GUCY2C: variants seen among roughly 807,000 people sequenced by gnomAD.
GUCY2C encodes the protein guanylyl cyclase C.
Under a neutral mutation model 131.1 loss-of-function variants are expected in GUCY2C, and 118 were observed. That is an observed-to-expected ratio of 0.90 (90% CI 0.78 to 1.05). The LOEUF is 1.05. Ranked by LOEUF, GUCY2C falls within the 50% of genes least tolerant of loss-of-function variation. The pLI is 0.00. For missense variants in GUCY2C, 1,161 were observed against 1,304.4 expected, an observed-to-expected ratio of 0.89 and a Z score of 1.69; for synonymous variants, 452 against 457.8, an observed-to-expected ratio of 0.99 and a Z score of 0.16.
intron 3 of GUCY2C, among the ~76,000 whole-genome samples, chr12:14,683,666 G>T (rs747351268): frequency 2.0e-5 from 3 of 152,046 alleles, no homozygotes. Flanking sequence ...TGTTCACCTC[G>T]GTATCTCCAG....
intron 8 of GUCY2C, chr12:14,674,155 C>G (rs1317986320): frequency 5.8e-6 from 1 of 172,134 alleles, no homozygotes; most frequent in Admixed American, 5.6e-5. Context: ...GAAAGGGCAA[C>G]ATTGATCCAT....
chr12:14,654,392 C>A lies in GUCY2C; in HGVS notation c.1471-1378G>T, dbSNP rs189401147. 2.1e-3 allele frequency among the ~76,000 whole-genome samples: 318 copies of A among 152,260 alleles called. 2 individuals carry two copies. Among genetic ancestry groups the A allele is most frequent in the African/African-American group, 7.2e-3 (300 of 41,564 alleles). On this transcript the variant is annotated intron_variant, in intron 12 of 26. Transcript: ENST00000261170. ...TTCTCCATGTCTACCTGACTCTTAG[C>A]ACCTGATGAGCTCTCTGTACAGCCA...
chr12:14,638,402 G>C (rs1947317188), intron 19 of GUCY2C, among the ~76,000 whole-genome samples: 1 of 152,160 alleles, frequency 6.6e-6, no homozygotes, highest in Non-Finnish European at 1.5e-5. Flanking sequence ...GTGTATCAAA[G>C]GATGCCTGCA....
chr12:14,650,124 A>T (rs1350100050), intron 15 of GUCY2C, among the ~76,000 whole-genome samples: 1 of 152,180 alleles, frequency 6.6e-6, no homozygotes, highest in African/African-American at 2.4e-5. Flanking sequence ...TAGCAAGTGC[A>T]TTTTAAAATT....
At chr12:14,615,144 A>T (rs974711482) in intron 25 of GUCY2C, among the ~76,000 whole-genome samples, 4 of 152,190 alleles carry the variant, frequency 2.6e-5, no homozygotes, top group Non-Finnish European at 5.9e-5. Context: ...CCTTTTTAAA[A>T]ATAAGTTTCT....
At chr12:14,615,911 G>C (rs1197921268) in intron 25 of GUCY2C, among the ~76,000 whole-genome samples, 1 of 152,168 alleles carries the variant, frequency 6.6e-6, no homozygotes, top group Non-Finnish European at 1.5e-5. Context: ...GGCTTTGCCA[G>C]TTGTGAAAAG....
chr12:14,641,137 C>A lies in GUCY2C; in HGVS notation c.2013G>T (p.Gln671His). The A allele has an allele frequency of 1.9e-6, 3 of 1,613,766 alleles. No individual in the cohort carries two copies. Among genetic ancestry groups the A allele is most frequent in the Non-Finnish European group, 2.5e-6 (3 of 1,179,866 alleles). Reference sequence around the variant, plus strand: ...AGGTTTCTTTCCGCAGGATGATCTCCTGTGCGATGATCCCATAGCTGTACA... The same window carrying A: ...AGGTTTCTTTCCGCAGGATGATCTCATGTGCGATGATCCCATAGCTGTACA... ...GDVYSYGIIA[Q>H]EIILRKETFY... The change falls in exon 18 of 27, where the codon CAG (glutamine) becomes CAT (histidine). Residue 671 changes from glutamine to histidine, a missense_variant. Physicochemically the swap from Gln to His is conservative, Grantham distance 24. Coordinates refer to ENST00000261170, the MANE Select transcript of GUCY2C (RefSeq NM_004963.4).
intron 7 of GUCY2C, among the ~76,000 whole-genome samples, chr12:14,675,724 T>A (rs1319224849): frequency 1.3e-5 from 2 of 152,208 alleles, no homozygotes; most frequent in Non-Finnish European, 2.9e-5. Flanking sequence ...TAAAAGCCCT[T>A]GCTGAACTGA....
intron 10 of GUCY2C, among the ~76,000 whole-genome samples, chr12:14,661,679 A>C (rs4764110): frequency 0.96 from 145,990 of 152,244 alleles, 70,184 homozygotes; most frequent in East Asian, 1. Flanking sequence ...GCGATCCGCC[A>C]ACCTCAGTCT....
chr12:14,690,636 T>A (rs1948556769), intron 1 of GUCY2C, among the ~76,000 whole-genome samples: 1 of 152,062 alleles, frequency 6.6e-6, no homozygotes, highest in Admixed American at 6.6e-5. Flanking sequence ...CCACCTCCCA[T>A]GTTCATGCCA....
At chr12:14,649,304 A>G (rs1319735789) in intron 15 of GUCY2C, among the ~76,000 whole-genome samples, 2 of 152,238 alleles carry the variant, frequency 1.3e-5, no homozygotes, top group African/African-American at 2.4e-5. Flanking sequence ...TACATTAGTA[A>G]CAATAGAAGA....
At chr12:14,645,360 G>T (rs991249785) in intron 15 of GUCY2C, 45 bp from the exon 16 acceptor site, 6 of 929,264 alleles carry the variant, frequency 6.5e-6, no homozygotes, top group Non-Finnish European at 1.1e-5. Flanking sequence ...TGCAAGAAAG[G>T]ATATTGTGGA....
intron 11 of GUCY2C, among the ~76,000 whole-genome samples, chr12:14,657,005 A>G (rs1293421300): frequency 6.6e-6 from 1 of 152,206 alleles, no homozygotes; most frequent in African/African-American, 2.4e-5. Context: ...TCACGCTCCT[A>G]TGACAATCTA....
chr12:14,619,292 C>G lies in GUCY2C; in HGVS notation c.2794G>C (p.Val932Leu). Residue 932 changes from valine to leucine, a missense_variant, in exon 24 of 27, where the codon GTT (valine) becomes CTT (leucine). Physicochemically the swap from Val to Leu is conservative, Grantham distance 32. Coordinates refer to ENST00000261170, the MANE Select transcript of GUCY2C (RefSeq NM_004963.4). ...TAACGAGGCATCTTGATTCCCACAA[C>G]TCCAGCAGCACAGGGACCTGAAATG... The part of the protein sequence containing the change: ...GVHSGPCAAG[V>L]VGIKMPRYCL... The G allele has an allele frequency of 6.2e-7, 1 of 1,610,684 alleles. No homozygotes were observed.
chr12:14,661,145 G>T, intron 10 of GUCY2C, 83 bp from the exon 11 acceptor site: 1 of 872,564 alleles, frequency 1.1e-6, no homozygotes, highest in Admixed American at 2.0e-5. Context: ...ATGTAATTTG[G>T]GGAAGGGAAA....
chr12:14,645,456 A>G, intron 15 of GUCY2C, 141 bp from the exon 16 acceptor site: 1 of 577,616 alleles, frequency 1.7e-6, no homozygotes, highest in Non-Finnish European at 3.1e-6. Flanking sequence ...CTGGGATTTC[A>G]TGAACCTGTG....
intron 17 of GUCY2C, 110 bp downstream of exon 17, chr12:14,643,464 T>G (rs1198717205): frequency 1.1e-6 from 1 of 893,714 alleles, no homozygotes. Flanking sequence ...TTGTCTCTTG[T>G]GGCTTTAAGT....
At chr12:14,652,087 T>C in intron 13 of GUCY2C, 57 bp from the exon 14 acceptor site, 1 of 917,022 alleles carries the variant, frequency 1.1e-6, no homozygotes. Context: ...TTTACATGCA[T>C]ATTATAACAG....
Position 14,645,833 on chromosome 12 carries a change from T to G in GUCY2C, c.1711-518A>C, listed in dbSNP as rs377278263. Among the ~76,000 whole-genome samples, 3 of 151,544 alleles carry G rather than the reference T, an allele frequency of 2.0e-5. No homozygotes were observed. The South Asian group carries it at 6.3e-4, about 32-fold the overall frequency. On this transcript the variant is annotated intron_variant, in intron 15 of 26. Coordinates refer to ENST00000261170, the MANE Select transcript of GUCY2C (RefSeq NM_004963.4). ...TATGACCTGGAATTTTCTTTGTTTT[T>G]TTTTGTTTTGTTTTGTTTTTGAGAC...
Sources: allele counts gnomAD v4.1 joint callset (sites outside exome capture counted in the v4.1 genomes callset), GRCh38; gene constraint gnomAD v4.1.1; transcripts MANE v1.5; gene names NCBI Gene and HGNC (gene_info 2026-07-23, HGNC 2026-07-21).